ADK: variants seen among roughly 807,000 people sequenced by gnomAD.
The protein encoded by ADK is N6,N6-dimethyladenosine kinase.
A neutral mutation model predicts 44.7 loss-of-function variants in ADK; 24 were observed. The observed-to-expected ratio is 0.54, with a 90% CI of 0.39 to 0.76. The LOEUF is 0.76. Ranked by LOEUF, ADK falls within the 30% of genes least tolerant of loss-of-function variation. The pLI is 0.00. For synonymous variants in ADK, 128 were observed against 142.6 expected (o/e 0.90, Z 0.73); for missense variants, 321 against 425.1 (o/e 0.76, Z 2.15).
intron 3 of ADK, among the ~76,000 whole-genome samples, chr10:74,250,292 A>G (rs1048552810): frequency 1.3e-5 from 2 of 152,194 alleles, no homozygotes; most frequent in African/African-American, 2.4e-5. Flanking sequence ...ATATTTGAGG[A>G]TGAGTAGAAA....
At chr10:74,514,978 A>G (rs559153341) in intron 6 of ADK, among the ~76,000 whole-genome samples, 1 of 151,952 alleles carries the variant, frequency 6.6e-6, no homozygotes, top group African/African-American at 2.4e-5. Flanking sequence ...ACACTCACCA[A>G]TATGCCCTGC....
chr10:74,545,875 T>C (rs1015412473), intron 7 of ADK, among the ~76,000 whole-genome samples: 1 of 152,212 alleles, frequency 6.6e-6, no homozygotes, highest in Non-Finnish European at 1.5e-5. Context: ...ATAGAATTCT[T>C]AATTTGATAA....
chr10:74,574,362 G>A (rs1851102130), intron 7 of ADK, among the ~76,000 whole-genome samples: 1 of 151,762 alleles, frequency 6.6e-6, no homozygotes, highest in African/African-American at 2.4e-5. Flanking sequence ...GTAGAGACGG[G>A]GTTTCACCTT....
At chr10:74,409,300 T>C (rs1351983714) in intron 6 of ADK, among the ~76,000 whole-genome samples, 2 of 152,182 alleles carry the variant, frequency 1.3e-5, no homozygotes, top group African/African-American at 2.4e-5. Context: ...TTAGGCTTAT[T>C]ATGGGGAAAT....
intron 4 of ADK, among the ~76,000 whole-genome samples, chr10:74,329,259 A>G (rs1222771462): frequency 1.3e-5 from 2 of 152,106 alleles, no homozygotes; most frequent in Admixed American, 1.3e-4. Context: ...TTTGCTGCTG[A>G]GATTCTTGGG....
intron 7 of ADK, among the ~76,000 whole-genome samples, chr10:74,540,486 G>A (rs1202977520): frequency 6.6e-6 from 1 of 151,272 alleles, no homozygotes; most frequent in Non-Finnish European, 1.5e-5. Context: ...TTGAGACAAG[G>A]TCTCACTCTG....
In ADK at chr10:74,635,384, G is replaced by A. The variant is rs1026041827; in HGVS notation, c.878-34799G>A. On this transcript the variant is annotated intron_variant, in intron 9 of 10. Transcript: ENST00000539909. ...CTATCTCCAGCAATATTTTCCTTCA[G>A]TGATGAAGGTGATATTAAAACATTG... 2.0e-5 allele frequency among the ~76,000 whole-genome samples: 3 copies of A among 152,170 alleles called. No individual in the cohort carries two copies. The South Asian group carries it at 6.2e-4, about 32-fold the overall frequency.
chr10:74,682,581 T>C (rs976443985), intron 10 of ADK, among the ~76,000 whole-genome samples: 6 of 150,774 alleles, frequency 4.0e-5, no homozygotes, highest in Non-Finnish European at 7.4e-5. Flanking sequence ...TTTTCTTTTT[T>C]TTTTTTTTTT....
At chr10:74,389,523 T>C (rs930716473) in intron 4 of ADK, among the ~76,000 whole-genome samples, 12 of 152,246 alleles carry the variant, frequency 7.9e-5, no homozygotes, top group Admixed American at 7.8e-4. Context: ...CATTCTCAAT[T>C]ATAACATCTT....
In ADK at chr10:74,182,315, A is replaced by G. The variant is rs193014683; in HGVS notation, c.66-18449A>G. On this transcript the variant is annotated intron_variant, in intron 1 of 10. Transcript: ENST00000539909. ...CTTTTAAACTAAAATTGTTTCATTTATGGAATATTTTGAAGAAGTAAAACA... is the reference window on the plus strand; with the variant it reads ...CTTTTAAACTAAAATTGTTTCATTTGTGGAATATTTTGAAGAAGTAAAACA... Among the ~76,000 whole-genome samples the G allele has an allele frequency of 5.6e-3, 858 of 151,984 alleles. 5 individuals carry two copies. The highest frequency in any genetic ancestry group is 9.9e-3 in the Non-Finnish European group (673 of 67,976).
At chr10:74,634,060 C>G (rs906468439) in intron 9 of ADK, among the ~76,000 whole-genome samples, 1 of 152,166 alleles carries the variant, frequency 6.6e-6, no homozygotes, top group Non-Finnish European at 1.5e-5. Flanking sequence ...GCTAAAAGAA[C>G]TTAATAAAGA....
chr10:74,205,928 C>T (rs899238239), intron 2 of ADK, among the ~76,000 whole-genome samples: 4 of 152,000 alleles, frequency 2.6e-5, no homozygotes, highest in East Asian at 1.9e-4. Context: ...GGGTATATAA[C>T]GTATCAAATT....
At chr10:74,267,752 A>ATT (rs200767690) in intron 3 of ADK, among the ~76,000 whole-genome samples, 1,672 of 62,574 alleles carry the variant, frequency 0.027, 13 homozygotes, top group Non-Finnish European at 0.048. Context: ...TTATATCCTT[A>ATT]TTTGTGTGTG....
At chr10:74,618,218 T>C (rs1222560496) in intron 9 of ADK, among the ~76,000 whole-genome samples, 1 of 152,218 alleles carries the variant, frequency 6.6e-6, no homozygotes, top group Non-Finnish European at 1.5e-5. Context: ...CTTACTCTTT[T>C]TGTTCTGTCT....
At chr10:74,396,734 A>T (rs552921285) in intron 5 of ADK, among the ~76,000 whole-genome samples, 277 of 98,258 alleles carry the variant, frequency 2.8e-3, no homozygotes, top group Non-Finnish European at 6.4e-3. Flanking sequence ...CGGGTGGATC[A>T]TTTGAGGCCA....
At chr10:74,527,981 G>GGAAAAAGGCACCTGCAA (rs1849123499) in intron 7 of ADK, 2 of 795,020 alleles carry the variant, frequency 2.5e-6, no homozygotes, top group Non-Finnish European at 4.5e-6. Flanking sequence ...AAAAAATTAT[G>GGAAAAAGGCACCTGCAA]GAAAAAGGCA....
At chr10:74,276,826 G>A (rs934315216) in intron 3 of ADK, among the ~76,000 whole-genome samples, 5 of 151,592 alleles carry the variant, frequency 3.3e-5, no homozygotes, top group African/African-American at 9.8e-5. Context: ...GTTTTAAATT[G>A]ATCTCTTTTG....
At chr10:74,474,360 C>T (rs940585734) in intron 6 of ADK, among the ~76,000 whole-genome samples, 1 of 152,220 alleles carries the variant, frequency 6.6e-6, no homozygotes, top group African/African-American at 2.4e-5. Flanking sequence ...TCCTCAGCCT[C>T]CCAAAGTGCT....
intron 6 of ADK, among the ~76,000 whole-genome samples, chr10:74,439,573 T>C (rs1474426472): frequency 6.6e-6 from 1 of 152,192 alleles, no homozygotes; most frequent in Non-Finnish European, 1.5e-5. Flanking sequence ...GCCTACCCAG[T>C]GGAAGATTTC....
Sources: allele counts gnomAD v4.1 joint callset (sites outside exome capture counted in the v4.1 genomes callset), GRCh38; gene constraint gnomAD v4.1.1; transcripts MANE v1.5; gene names NCBI Gene and HGNC (gene_info 2026-07-23, HGNC 2026-07-21).